Variants in CCDC148 observed in about 807,000 individuals in gnomAD.
CCDC148 encodes the protein coiled-coil domain-containing protein 148.
In CCDC148, 89 loss-of-function variants were observed where a neutral mutation model predicts 85.7. The ratio of observed to expected loss-of-function variants is 1.04; its 90% confidence interval spans 0.87 to 1.24. The LOEUF is 1.24. Among genes scored for constraint, CCDC148 ranks in the 50% most tolerant of loss-of-function variants. CCDC148 has a pLI of 0.00. For synonymous variants in CCDC148, 230 were observed against 213.9 expected (o/e 1.08, Z -0.66); for missense variants, 692 against 671.7 (o/e 1.03, Z -0.33).
intron 10 of CCDC148, among the ~76,000 whole-genome samples, chr2:158,221,475 C>T (rs775618326): frequency 6.6e-6 from 1 of 152,192 alleles, no homozygotes; most frequent in Non-Finnish European, 1.5e-5. Flanking sequence ...GCCCATTCCA[C>T]CACTCTGGCC....
chr2:158,452,580 C>G (rs1010427713), intron 1 of CCDC148, among the ~76,000 whole-genome samples: 2 of 152,160 alleles, frequency 1.3e-5, no homozygotes, highest in Admixed American at 1.3e-4. Flanking sequence ...CAGAAAACAT[C>G]AGGACCAAGA....
intron 1 of CCDC148, among the ~76,000 whole-genome samples, chr2:158,451,068 CAA>C (rs1688387124): frequency 6.6e-6 from 1 of 152,108 alleles, no homozygotes; most frequent in Non-Finnish European, 1.5e-5. Flanking sequence ...TCTGCCATCA[CAA>C]ATTTGCTATG....
At chr2:158,174,588 C>T (rs1189723471) in intron 13 of CCDC148, among the ~76,000 whole-genome samples, 1 of 152,016 alleles carries the variant, frequency 6.6e-6, no homozygotes, top group Non-Finnish European at 1.5e-5. Context: ...AATGTCATAG[C>T]ATGTACTTAC....
intron 7 of CCDC148, among the ~76,000 whole-genome samples, chr2:158,330,676 T>A (rs1479276940): frequency 6.6e-6 from 1 of 152,170 alleles, no homozygotes; most frequent in African/African-American, 2.4e-5. Context: ...AATTATTGCT[T>A]CAATTTCAGA....
chr2:158,360,738 G>A (rs1311665396), intron 1 of CCDC148, among the ~76,000 whole-genome samples: 1 of 152,114 alleles, frequency 6.6e-6, no homozygotes, highest in Admixed American at 6.5e-5. Flanking sequence ...CAAAAAGGCG[G>A]AAAATTCCAA....
chr2:158,257,027 G>A (rs1244827947), intron 9 of CCDC148, among the ~76,000 whole-genome samples: 1 of 151,542 alleles, frequency 6.6e-6, no homozygotes, highest in Non-Finnish European at 1.5e-5. Context: ...CATGGATAAT[G>A]CTCTGAAGTT....
chr2:158,340,294 A>G lies in CCDC148; in HGVS notation c.434T>C (p.Leu145Ser). Reference protein sequence around the residue: ...ADLKYRQHHTLQHSHPHIEFN... With the variant: ...ADLKYRQHHTSQHSHPHIEFN... ...CTCAATATGTGGGTGTGAATGCTGC[A>G]AAGTGTGATGCTGTCTGTATTTTAG... Residue 145 changes from leucine (L) to serine (S), a missense_variant, in exon 5 of 14, where the codon TTG becomes TCG. Coordinates refer to ENST00000283233, the MANE Select transcript of CCDC148 (RefSeq NM_138803.4). 6.2e-7 allele frequency: 1 copy of G among 1,613,982 alleles called. No individual in the cohort carries two copies. The highest frequency in any genetic ancestry group is 8.5e-7 in the Non-Finnish European group (1 of 1,179,948).
chr2:158,358,903 TA>T (rs1156675741), intron 1 of CCDC148, among the ~76,000 whole-genome samples: 1 of 152,076 alleles, frequency 6.6e-6, no homozygotes, highest in East Asian at 1.9e-4. Context: ...TCTTTTTATT[TA>T]AAATGTGATA....
intron 1 of CCDC148, among the ~76,000 whole-genome samples, chr2:158,423,681 A>G (rs1056843130): frequency 6.6e-6 from 1 of 152,222 alleles, no homozygotes; most frequent in African/African-American, 2.4e-5. Context: ...CTAAAACACC[A>G]AAAGCAATGG....
chr2:158,180,284 A>G (rs1230286233), intron 11 of CCDC148, among the ~76,000 whole-genome samples: 1 of 152,154 alleles, frequency 6.6e-6, no homozygotes, highest in Admixed American at 6.5e-5. Context: ...AGTGCTTTAT[A>G]TGTTTTAGGT....
intron 9 of CCDC148, among the ~76,000 whole-genome samples, chr2:158,302,508 G>A (rs1173708951): frequency 2.0e-5 from 3 of 152,090 alleles, no homozygotes; most frequent in Non-Finnish European, 2.9e-5. Flanking sequence ...TATGAGGGCC[G>A]GGAGCGGTGG....
At chr2:158,234,764 AT>A (rs1688021219) in intron 10 of CCDC148, among the ~76,000 whole-genome samples, 1 of 152,220 alleles carries the variant, frequency 6.6e-6, no homozygotes. Flanking sequence ...TAAGAAAAAA[AT>A]CTTGTTAAAA....
intron 11 of CCDC148, among the ~76,000 whole-genome samples, chr2:158,214,565 C>G (rs551127231): frequency 5.1e-4 from 77 of 152,272 alleles, no homozygotes; most frequent in African/African-American, 1.8e-3. Context: ...TATTCAGGGT[C>G]ATGTTTCATT....
At chr2:158,213,248 T>C (rs1024280439) in intron 11 of CCDC148, among the ~76,000 whole-genome samples, 2 of 152,212 alleles carry the variant, frequency 1.3e-5, no homozygotes, top group African/African-American at 2.4e-5. Flanking sequence ...TTTTTGGTCA[T>C]GAAATGATAT....
At chr2:158,325,345 T>C (rs1453885472) in intron 7 of CCDC148, among the ~76,000 whole-genome samples, 1 of 152,196 alleles carries the variant, frequency 6.6e-6, no homozygotes, top group African/African-American at 2.4e-5. Flanking sequence ...ATGTATTCAA[T>C]GGACTGACCA....
intron 9 of CCDC148, among the ~76,000 whole-genome samples, chr2:158,269,904 G>A (rs1689626079): frequency 6.6e-6 from 1 of 152,152 alleles, no homozygotes; most frequent in Admixed American, 6.5e-5. Flanking sequence ...ACAGAACAAA[G>A]TAGAAAGTAT....
At chr2:158,367,253 C>T (rs1400416152) in intron 1 of CCDC148, among the ~76,000 whole-genome samples, 1 of 152,148 alleles carries the variant, frequency 6.6e-6, no homozygotes, top group Admixed American at 6.5e-5. Context: ...AGGCAAAGCA[C>T]GCCTCCAGAA....
At chr2:158,184,233 G>A (rs908503013) in intron 11 of CCDC148, among the ~76,000 whole-genome samples, 1 of 152,134 alleles carries the variant, frequency 6.6e-6, no homozygotes, top group African/African-American at 2.4e-5. Context: ...GGTCTCTGCA[G>A]AATCAGAAAA....
intron 1 of CCDC148, among the ~76,000 whole-genome samples, chr2:158,381,111 G>A (rs1300270053): frequency 6.6e-6 from 1 of 152,050 alleles, no homozygotes; most frequent in Non-Finnish European, 1.5e-5. Context: ...ATAATAAGTT[G>A]GGAAATACTA....
Sources: gnomAD v4.1 joint callset for allele counts (sites outside exome capture counted in the v4.1 genomes callset) on GRCh38, gnomAD v4.1.1 for gene constraint, MANE v1.5 for transcripts, NCBI Gene and HGNC (gene_info 2026-07-23, HGNC 2026-07-21) for gene names.